PDE6B: variants seen among roughly 807,000 people sequenced by gnomAD.
PDE6B encodes the protein phosphodiesterase 6B.
In PDE6B, 106 loss-of-function variants were observed where a neutral mutation model predicts 109.0. The observed-to-expected ratio is 0.97, with a 90% confidence interval of 0.83 to 1.14. PDE6B has a LOEUF of 1.14. Among genes scored for constraint, PDE6B ranks in the 50% most tolerant of loss-of-function variants. The probability of loss-of-function intolerance (pLI) is 0.00; values close to 1 mark genes in which losing one functional copy is unlikely to be tolerated. For synonymous variants in PDE6B, 490 were observed against 471.3 expected, an observed-to-expected ratio of 1.04 and a Z score of -0.51; for missense variants, 1,193 against 1,155.6, an observed-to-expected ratio of 1.03 and a Z score of -0.47.
At chr4:627,143 T>C (rs931163016) in intron 1 of PDE6B, among the ~76,000 whole-genome samples, 1 of 150,506 alleles carries the variant, frequency 6.6e-6, no homozygotes, top group Non-Finnish European at 1.5e-5. Context: ...TTTGTTTTCG[T>C]TTGTGGGTTT....
chr4:660,317 G>A, intron 11 of PDE6B, 150 bp from the exon 12 acceptor site: 1 of 796,992 alleles, frequency 1.3e-6, no homozygotes, highest in Non-Finnish European at 2.1e-6. Flanking sequence ...AGCAGCCTGG[G>A]ATACAGGCTG....
chr4:643,489 A>G (rs1735041317), intron 3 of PDE6B, among the ~76,000 whole-genome samples: 1 of 152,178 alleles, frequency 6.6e-6, no homozygotes, highest in African/African-American at 2.4e-5. Flanking sequence ...GAATTGACAT[A>G]ACATCTTTCC....
chr4:637,510 C>T (rs1411175730), intron 3 of PDE6B, among the ~76,000 whole-genome samples: 2 of 152,150 alleles, frequency 1.3e-5, no homozygotes, highest in Admixed American at 6.5e-5. Context: ...TTTGAGGCAC[C>T]GCACCGAGCC....
chr4:666,690 C>A lies in PDE6B; in HGVS notation c.2352+76C>A. The A allele has an allele frequency of 1.1e-6, 1 of 951,874 alleles. No homozygotes were observed. The highest frequency in any genetic ancestry group is 1.3e-5 in the South Asian group (1 of 77,108). The allele number at this position is 951,874 out of a possible 1,614,324, so 59.0% of individuals were successfully genotyped here. ...CAGGCAAGGGGGCGCGGGCTGGAGT[C>A]GCGTGGACTCACACGGGCCCGGCGG... On this transcript the variant is annotated intron_variant, in intron 20 of 21. Coordinates refer to ENST00000496514, the MANE Select transcript of PDE6B (RefSeq NM_000283.4). The surrounding 1 kb of genome is among the most constrained non-coding windows in gnomAD (Gnocchi z 5.6).
At position 658,982 on chromosome 4, in the gene PDE6B, G is replaced by T. The variant is rs750844410; in HGVS notation, c.1432G>T (p.Ala478Ser). The T allele has an allele frequency of 1.2e-6, 2 of 1,613,468 alleles. No homozygotes were observed. The highest frequency in any genetic ancestry group is 1.7e-5 in the Admixed American group (1 of 60,006). The change falls in exon 11 of 22, where the codon GCT (alanine) becomes TCT (serine). Residue 478 changes from alanine to serine, a missense_variant. Ala to Ser is a moderately conservative substitution (Grantham distance 99). Coordinates refer to ENST00000496514, the MANE Select transcript of PDE6B (RefSeq NM_000283.4). Reference sequence around the variant, plus strand: ...CAGAGCGCGCCTGGGGAAGGAGCCTGCTGACTGCGATGAGGACGAGCTGGG... The same window carrying T: ...CAGAGCGCGCCTGGGGAAGGAGCCTTCTGACTGCGATGAGGACGAGCTGGG... Reference protein sequence around the residue: ...PTRARLGKEPADCDEDELGEI... With the variant: ...PTRARLGKEPSDCDEDELGEI...
intron 3 of PDE6B, among the ~76,000 whole-genome samples, chr4:643,679 T>A (rs1330447043): frequency 6.6e-6 from 1 of 152,084 alleles, no homozygotes; most frequent in East Asian, 1.9e-4. Flanking sequence ...TTCATCTAAG[T>A]TAAAATCAAA....
intron 3 of PDE6B, chr4:652,413 C>A: frequency 1.5e-6 from 1 of 681,682 alleles, no homozygotes; most frequent in Non-Finnish European, 1.8e-6. Flanking sequence ...TGCAGGAGGC[C>A]GGGGCAGGAA....
rs375569943 is a variant in PDE6B at position 636,431 on chromosome 4, G to T, written c.711+462G>T. Among the ~76,000 whole-genome samples the T allele has an allele frequency of 1.3e-5, 2 of 152,088 alleles. No individual in the cohort carries two copies. Among genetic ancestry groups the T allele is most frequent in the Admixed American group, 6.5e-5 (1 of 15,284 alleles). On this transcript the variant is annotated intron_variant, in intron 3 of 21. Transcript: ENST00000496514. The surrounding 1 kb of genome is among the most constrained non-coding windows in gnomAD (Gnocchi z 4.5). ...GGGCAGGTCTGGCCCTGGCCGAGAC[G>T]CTGGGGAGGGAGGCCTGAGGACCTT...
rs1737253462 is a variant in PDE6B at position 662,689 on chromosome 4, C to T, written c.1832+71C>T. On this transcript the variant is annotated intron_variant, in intron 14 of 21. Transcript: ENST00000496514. This position sits in a 1 kb window ranked among gnomAD's most constrained non-coding sequence, Gnocchi z 4.3. Reference sequence around the variant, plus strand: ...CACGCCCTTGGCGTGAATTAGGCTTCGCATAGCAGGCTATGTAGAAAGTGG... The same window carrying T: ...CACGCCCTTGGCGTGAATTAGGCTTTGCATAGCAGGCTATGTAGAAAGTGG... 1 of 981,112 alleles carries T rather than the reference C, an allele frequency of 1.0e-6. No homozygotes were observed. Among genetic ancestry groups the T allele is most frequent in the South Asian group, 1.3e-5 (1 of 77,598 alleles). 60.8% of individuals were successfully genotyped at this position (981,112 alleles called of 1,614,324 possible). A position where few individuals can be genotyped will look rare whatever the true frequency, so the allele number is the denominator to read the frequency against.
chr4:637,659 C>T (rs1198861764), intron 3 of PDE6B, among the ~76,000 whole-genome samples: 1 of 152,240 alleles, frequency 6.6e-6, no homozygotes, highest in East Asian at 1.9e-4. Context: ...GCCGGCTGTG[C>T]TTGTTGCCGG....
intron 5 of PDE6B, chr4:654,535 C>A: frequency 1.7e-6 from 1 of 595,580 alleles, no homozygotes. Flanking sequence ...ACTGGGAAGA[C>A]AGATGTAAAC....
chr4:640,266 G>T (rs377139577), intron 3 of PDE6B, among the ~76,000 whole-genome samples: 4 of 152,024 alleles, frequency 2.6e-5, no homozygotes, highest in South Asian at 4.2e-4. Flanking sequence ...TTGGCCAGGC[G>T]TGGTGGCTCA....
At chr4:659,383 C>T (rs1027642158) in intron 11 of PDE6B, among the ~76,000 whole-genome samples, 12 of 152,226 alleles carry the variant, frequency 7.9e-5, no homozygotes, top group Non-Finnish European at 1.8e-4. Flanking sequence ...CATCTCTGCT[C>T]TCAGAGTGCC....
Position 663,286 on chromosome 4 carries a change from G to A in PDE6B, c.1920+99G>A. On this transcript the variant is annotated intron_variant, in intron 15 of 21. Transcript: ENST00000496514. The surrounding 1 kb of genome is among the most constrained non-coding windows in gnomAD (Gnocchi z 4.0). ...CTGCGGAGCAGGGTTCTGATGCAGC[G>A]GGTGAGCACTGGGTGTGTGAGCACT... 1 of 779,344 alleles carries A rather than the reference G, an allele frequency of 1.3e-6. No homozygotes were observed. The highest frequency in any genetic ancestry group is 2.3e-6 in the Non-Finnish European group (1 of 429,604). 48.3% of individuals were successfully genotyped at this position (779,344 alleles called of 1,614,324 possible).
intron 9 of PDE6B, 77 bp downstream of exon 9, chr4:657,100 C>G: frequency 1.4e-6 from 2 of 1,454,030 alleles, no homozygotes; most frequent in South Asian, 1.1e-5. Context: ...GGGGCCTCCC[C>G]GCCAAGCATT....
rs1216099223 is a variant in PDE6B, at chr4:662,383, C to T, written c.1723-126C>T. The T allele has an allele frequency of 1.9e-5, 16 of 823,446 alleles. No individual in the cohort carries two copies. The highest frequency in any genetic ancestry group is 4.2e-5 in the South Asian group (3 of 70,626). 51.0% of individuals were successfully genotyped at this position (823,446 alleles called of 1,614,324 possible). A position where few individuals can be genotyped will look rare whatever the true frequency, so the allele number is the denominator to read the frequency against. On this transcript the variant is annotated intron_variant, in intron 13 of 21. Coordinates refer to ENST00000496514, the MANE Select transcript of PDE6B (RefSeq NM_000283.4). This position sits in a 1 kb window ranked among gnomAD's most constrained non-coding sequence, Gnocchi z 4.3. ...CAACGCCCTCTGACACCGTGCACCGCGCACCCCAGCCCTGCGGTGGTCGGA... is the reference window on the plus strand; with the variant it reads ...CAACGCCCTCTGACACCGTGCACCGTGCACCCCAGCCCTGCGGTGGTCGGA...
intron 21 of PDE6B, among the ~76,000 whole-genome samples, chr4:668,617 C>CG (rs201862699): frequency 1.6e-5 from 2 of 122,656 alleles, no homozygotes; most frequent in Admixed American, 7.9e-5. Context: ...ATGCTATTCC[C>CG]CTACCCCATG....
chr4:645,290 ATTTT>A (rs530937075), intron 3 of PDE6B, among the ~76,000 whole-genome samples: 13,114 of 116,844 alleles, frequency 0.11, 375 homozygotes, highest in East Asian at 0.18. Flanking sequence ...GGCTAGTCAC[ATTTT>A]TTTTTTTTTT....
intron 21 of PDE6B, 59 bp downstream of exon 21, chr4:668,065 A>T: frequency 4.0e-6 from 6 of 1,505,112 alleles, no homozygotes; most frequent in Non-Finnish European, 5.5e-6. Context: ...GGCAAAATGA[A>T]AAGACAGGGC....
Sources: gnomAD v4.1 joint callset for allele counts (sites outside exome capture counted in the v4.1 genomes callset) on GRCh38, gnomAD v4.1.1 for gene constraint, Gnocchi (gnomAD v3.1) non-coding constraint, MANE v1.5 for transcripts, NCBI Gene and HGNC (gene_info 2026-07-23, HGNC 2026-07-21) for gene names.